The following NRG1 variants were observed in gnomAD, a reference collection of about 807,000 sequenced individuals.
NRG1 encodes neuregulin 1.
Under a neutral mutation model 63.8 loss-of-function variants are expected in NRG1, and 18 were observed. That is an observed-to-expected ratio of 0.28 (90% CI 0.19 to 0.42). The LOEUF (loss-of-function observed/expected upper bound fraction) is 0.42, where lower values mean the gene tolerates loss of function less well. Ranked by LOEUF, NRG1 falls within the 10% of genes least tolerant of loss-of-function variation. The pLI is 1.00. For synonymous variants in NRG1, 302 were observed against 301.3 expected, an observed-to-expected ratio of 1.00 and a Z score of -0.02; for missense variants, 762 against 814.7, an observed-to-expected ratio of 0.94 and a Z score of 0.79.
chr8:31,954,204 G>C (rs1803983392), intron 1 of NRG1, among the ~76,000 whole-genome samples: 3 of 152,080 alleles, frequency 2.0e-5, no homozygotes, highest in Admixed American at 6.6e-5. Context: ...AACAGACCTA[G>C]CCCTAGATTT....
intron 1 of NRG1, among the ~76,000 whole-genome samples, chr8:32,197,393 A>G (rs953217618): frequency 6.6e-6 from 1 of 151,996 alleles, no homozygotes; most frequent in African/African-American, 2.4e-5. Flanking sequence ...TTGGCTCATC[A>G]CCTATTGTTT....
At position 32,504,267 on chromosome 8, in the gene NRG1, G is replaced by A. The variant is rs375558579; in HGVS notation, c.38-91561G>A. 1.1e-4 allele frequency among the ~76,000 whole-genome samples: 17 copies of A among 152,212 alleles called. No homozygotes were observed. The East Asian group carries it at 2.9e-3, about 26-fold the overall frequency. ...ACTGCCTGTCCATCACCTGATGGTCGTCTGACATTCCTGGTTGTGGGGAAA... is the reference window on the plus strand; with the variant it reads ...ACTGCCTGTCCATCACCTGATGGTCATCTGACATTCCTGGTTGTGGGGAAA... On this transcript the variant is annotated intron_variant, in intron 1 of 10. Coordinates refer to the NRG1 transcript ENST00000519301.
At chr8:32,352,959 TATAC>T (rs1189586139) in intron 1 of NRG1, among the ~76,000 whole-genome samples, 3 of 134,628 alleles carry the variant, frequency 2.2e-5, no homozygotes, top group Admixed American at 7.3e-5. Flanking sequence ...TATATATATA[TATAC>T]AGAGAGAGAG....
chr8:31,717,417 A>G (rs1405303668), intron 1 of NRG1, among the ~76,000 whole-genome samples: 5 of 150,932 alleles, frequency 3.3e-5, no homozygotes, highest in African/African-American at 9.7e-5. Context: ...GACATTAAAA[A>G]AAAAAAAAAA....
At chr8:32,059,895 A>G (rs1823565339) in intron 1 of NRG1, among the ~76,000 whole-genome samples, 1 of 151,892 alleles carries the variant, frequency 6.6e-6, no homozygotes, top group Admixed American at 6.6e-5. Context: ...TCTGGATGTT[A>G]GATCTTCCAG....
chr8:32,583,705 A>ATG lies in NRG1; in HGVS notation c.101-12123_101-12122insTG, dbSNP rs1295919819. On this transcript the variant is annotated intron_variant, in intron 1 of 11. Coordinates refer to ENST00000356819, the Ensembl canonical transcript of NRG1. ...ATGCAAATTTCACCATCAATGCCCTACCCTGGGCTCACCCAGAAGGCATTT... is the reference window on the plus strand; with the variant it reads ...ATGCAAATTTCACCATCAATGCCCTATGCCCTGGGCTCACCCAGAAGGCATTT... Among the ~76,000 whole-genome samples, 6 of 152,320 alleles carry ATG rather than the reference A, an allele frequency of 3.9e-5. No homozygotes were observed. The East Asian group carries it at 1.2e-3, about 29-fold the overall frequency.
At chr8:32,372,085 C>T (rs1808962825) in intron 1 of NRG1, among the ~76,000 whole-genome samples, 1 of 150,234 alleles carries the variant, frequency 6.7e-6, no homozygotes, top group South Asian at 2.1e-4. Context: ...ACCTCCCAGG[C>T]TCAAGCAATC....
At chr8:31,782,203 A>T (rs768849196) in intron 1 of NRG1, among the ~76,000 whole-genome samples, 13 of 152,102 alleles carry the variant, frequency 8.5e-5, no homozygotes, top group Admixed American at 2.6e-4. Context: ...CTTCAGATGC[A>T]CTGAACATCT....
chr8:31,915,038 T>C (rs951662157), intron 1 of NRG1, among the ~76,000 whole-genome samples: 1 of 149,364 alleles, frequency 6.7e-6, no homozygotes, highest in African/African-American at 2.5e-5. Flanking sequence ...TTTTGTAATT[T>C]ATTGAATTTT....
At chr8:32,362,135 C>T (rs1472887207) in intron 1 of NRG1, among the ~76,000 whole-genome samples, 1 of 152,182 alleles carries the variant, frequency 6.6e-6, no homozygotes, top group Non-Finnish European at 1.5e-5. Context: ...ACCTACAAAA[C>T]CATCAATAGT....
chr8:32,588,592 G>A (rs10954862), intron 1 of NRG1, among the ~76,000 whole-genome samples: 42,892 of 152,026 alleles, frequency 0.28, 6,171 homozygotes, highest in South Asian at 0.36. Context: ...ATAATGAAAC[G>A]TTCTATGCAT....
intron 6 of NRG1, among the ~76,000 whole-genome samples, chr8:32,732,883 C>A (rs1005545112): frequency 2.1e-5 from 3 of 143,514 alleles, no homozygotes; most frequent in African/African-American, 7.6e-5. Context: ...TCTCAGCTCA[C>A]TGAAACCTCT....
intron 1 of NRG1, among the ~76,000 whole-genome samples, chr8:31,938,588 G>A (rs1801289994): frequency 6.6e-6 from 1 of 152,116 alleles, no homozygotes; most frequent in African/African-American, 2.4e-5. Context: ...AAGAAAAATT[G>A]GAAGGTTGGT....
chr8:32,756,297 G>A, intron 8 of NRG1, 106 bp from the exon 9 acceptor site: 1 of 1,276,860 alleles, frequency 7.8e-7, no homozygotes, highest in East Asian at 2.4e-5. Flanking sequence ...CTCATCACCA[G>A]TCTACTGCCT....
intron 1 of NRG1, among the ~76,000 whole-genome samples, chr8:31,764,239 T>C (rs1273420624): frequency 1.3e-5 from 2 of 152,166 alleles, no homozygotes; most frequent in Admixed American, 1.3e-4. Flanking sequence ...AGAGATACTC[T>C]GTATCTTTTA....
chr8:32,630,348 G>C (rs1850049827), intron 5 of NRG1, among the ~76,000 whole-genome samples: 1 of 152,046 alleles, frequency 6.6e-6, no homozygotes, highest in African/African-American at 2.4e-5. Flanking sequence ...AACAATTTTA[G>C]GTACCAAATT....
chr8:32,630,322 A>T (rs1378524711), intron 5 of NRG1, among the ~76,000 whole-genome samples: 1 of 152,200 alleles, frequency 6.6e-6, no homozygotes, highest in African/African-American at 2.4e-5. Flanking sequence ...AGTATGATAA[A>T]AGGTGTTAAA....
intron 1 of NRG1, among the ~76,000 whole-genome samples, chr8:32,518,819 A>T (rs1050668641): frequency 6.6e-6 from 1 of 152,202 alleles, no homozygotes. Context: ...GACTACAAAG[A>T]TGTGAATAAG....
At chr8:32,720,844 T>C (rs1197960080) in intron 5 of NRG1, among the ~76,000 whole-genome samples, 4 of 152,110 alleles carry the variant, frequency 2.6e-5, no homozygotes, top group African/African-American at 9.7e-5. Context: ...GTTTGAAAAA[T>C]AACCTTTCCT....
Sources: allele counts gnomAD v4.1 joint callset (sites outside exome capture counted in the v4.1 genomes callset), GRCh38; gene constraint gnomAD v4.1.1; transcripts MANE v1.5; gene names NCBI Gene and HGNC (gene_info 2026-07-23, HGNC 2026-07-21).